ULK4: variants seen among roughly 807,000 people sequenced by gnomAD.
ULK4 encodes the protein unc-51 like kinase 4.
A neutral mutation model predicts 160.6 loss-of-function variants in ULK4; 133 were observed. The ratio of observed to expected loss-of-function variants is 0.83; its 90% CI spans 0.72 to 0.96. The LOEUF is 0.96. Ranked by LOEUF, ULK4 falls within the 40% of genes least tolerant of loss-of-function variation. ULK4 has a pLI of 0.00. For missense variants in ULK4, 1,580 were observed against 1,499.5 expected, an observed-to-expected ratio of 1.05 and a Z score of -0.89; for synonymous variants, 534 against 539.8, an observed-to-expected ratio of 0.99 and a Z score of 0.15.
chr3:41,690,342 A>G (rs1418009144), intron 27 of ULK4, among the ~76,000 whole-genome samples: 4 of 151,426 alleles, frequency 2.6e-5, no homozygotes, highest in Non-Finnish European at 5.9e-5. Flanking sequence ...CCTAATGCTA[A>G]ATGACGAGTT....
chr3:41,784,894 A>G (rs1361446189), intron 21 of ULK4, among the ~76,000 whole-genome samples: 1 of 152,266 alleles, frequency 6.6e-6, no homozygotes, highest in Non-Finnish European at 1.5e-5. Context: ...ATCAGAGATT[A>G]ATTACAAACT....
At position 41,341,555 on chromosome 3, in the gene ULK4, G is replaced by A. The variant is rs1188760794; in HGVS notation, c.3678+56524C>T. Among the ~76,000 whole-genome samples, 3 of 152,198 alleles carry A rather than the reference G, an allele frequency of 2.0e-5. No individual in the cohort carries two copies. In the East Asian group the frequency reaches 5.8e-4, roughly 29 times the overall value. On this transcript the variant is annotated intron_variant, in intron 35 of 36. Coordinates refer to ENST00000301831, the MANE Select transcript of ULK4 (RefSeq NM_017886.4). ...CCTGACCCACTGGCCTTGAATAATG[G>A]AGCAGTGCTAAATCCAACCTGTGGG...
chr3:41,544,981 C>G (rs1347514390), intron 32 of ULK4, among the ~76,000 whole-genome samples: 2 of 152,184 alleles, frequency 1.3e-5, no homozygotes, highest in African/African-American at 4.8e-5. Flanking sequence ...TACTGAGATT[C>G]ATCAGTTTTT....
intron 34 of ULK4, among the ~76,000 whole-genome samples, chr3:41,406,348 C>T (rs1200067783): frequency 6.6e-6 from 1 of 152,126 alleles, no homozygotes; most frequent in African/African-American, 2.4e-5. Context: ...TCTAACAGTA[C>T]CATGCTGTTT....
chr3:41,422,713 G>A (rs1427725829), intron 34 of ULK4, among the ~76,000 whole-genome samples: 2 of 152,198 alleles, frequency 1.3e-5, no homozygotes, highest in Non-Finnish European at 2.9e-5. Flanking sequence ...ATGTAGAAAA[G>A]CAAGTACATT....
intron 18 of ULK4, among the ~76,000 whole-genome samples, chr3:41,831,532 T>TATATATATATATATATATATA (rs577123829): frequency 7.9e-6 from 1 of 125,894 alleles, no homozygotes; most frequent in African/African-American, 4.5e-5. Context: ...TATATATATA[T>TATATATATATATATATATATA]TTTTTTTTCT....
intron 34 of ULK4, among the ~76,000 whole-genome samples, chr3:41,439,372 A>C (rs1354470495): frequency 6.6e-6 from 1 of 152,208 alleles, no homozygotes; most frequent in Non-Finnish European, 1.5e-5. Flanking sequence ...AAACACAAAT[A>C]CCTTCCACTC....
At chr3:41,411,953 C>T (rs937001046) in intron 34 of ULK4, among the ~76,000 whole-genome samples, 2 of 152,114 alleles carry the variant, frequency 1.3e-5, no homozygotes, top group Admixed American at 1.3e-4. Context: ...AATCAGCACA[C>T]CCCCTACCTG....
chr3:41,809,228 G>A (rs1023700489), intron 19 of ULK4, among the ~76,000 whole-genome samples: 3 of 150,964 alleles, frequency 2.0e-5, no homozygotes, highest in African/African-American at 7.3e-5. Context: ...CTTTATAGAT[G>A]TTTGTAAGGT....
intron 35 of ULK4, among the ~76,000 whole-genome samples, chr3:41,312,377 G>A (rs1477296753): frequency 6.6e-6 from 1 of 152,118 alleles, no homozygotes; most frequent in African/African-American, 2.4e-5. Context: ...CAACAATGCA[G>A]TTCAATTAGA....
At chr3:41,701,360 C>T (rs1048692399) in intron 27 of ULK4, among the ~76,000 whole-genome samples, 4 of 152,206 alleles carry the variant, frequency 2.6e-5, no homozygotes, top group African/African-American at 4.8e-5. Flanking sequence ...ACAGAGATTT[C>T]CTTCTGAGGA....
At chr3:41,788,086 A>C (rs965560098) in intron 21 of ULK4, among the ~76,000 whole-genome samples, 5 of 152,226 alleles carry the variant, frequency 3.3e-5, no homozygotes, top group Non-Finnish European at 5.9e-5. Flanking sequence ...AAAACTAGAC[A>C]CATAGATTTG....
chr3:41,588,441 A>G (rs1185219313), intron 31 of ULK4, among the ~76,000 whole-genome samples: 1 of 152,174 alleles, frequency 6.6e-6, no homozygotes, highest in East Asian at 1.9e-4. Context: ...TTTGAAGCTA[A>G]AAGAAACTAT....
chr3:41,866,594 ACCT>A (rs935448478), intron 17 of ULK4, among the ~76,000 whole-genome samples: 2 of 151,830 alleles, frequency 1.3e-5, no homozygotes, highest in African/African-American at 4.8e-5. Context: ...CCCACCACTC[ACCT>A]CCTGCTGTGC....
intron 4 of ULK4, among the ~76,000 whole-genome samples, chr3:41,934,215 T>C (rs1699689039): frequency 6.6e-6 from 1 of 152,240 alleles, no homozygotes; most frequent in Non-Finnish European, 1.5e-5. Context: ...TATTTACAAA[T>C]TGTCTACAGC....
At chr3:41,481,839 AAAAAAAAAGAAC>A (rs2125897532) in intron 32 of ULK4, among the ~76,000 whole-genome samples, 1 of 151,610 alleles carries the variant, frequency 6.6e-6, no homozygotes, top group South Asian at 2.1e-4. Context: ...AAAAAAAAAA[AAAAAAAAAGAAC>A]AAAAGCATTC....
chr3:41,801,329 G>T (rs1312084182), intron 19 of ULK4, among the ~76,000 whole-genome samples: 7 of 151,720 alleles, frequency 4.6e-5, no homozygotes, highest in Non-Finnish European at 7.4e-5. Context: ...ACTTGAAAAA[G>T]AAAAAAGAAA....
chr3:41,395,177 G>A (rs967801580), intron 35 of ULK4, among the ~76,000 whole-genome samples: 1 of 132,658 alleles, frequency 7.5e-6, no homozygotes, highest in African/African-American at 3.0e-5. Flanking sequence ...ATCACATTAT[G>A]ATTGAAAGCA....
chr3:41,724,756 A>G (rs905561234), intron 22 of ULK4, among the ~76,000 whole-genome samples: 8 of 152,074 alleles, frequency 5.3e-5, no homozygotes, highest in Admixed American at 1.3e-4. Context: ...CAGTTTTTCT[A>G]TATCTTTGCC....
Sources: gnomAD v4.1 joint callset for allele counts (sites outside exome capture counted in the v4.1 genomes callset) on GRCh38, gnomAD v4.1.1 for gene constraint, MANE v1.5 for transcripts, NCBI Gene and HGNC (gene_info 2026-07-23, HGNC 2026-07-21) for gene names.